Variants in LRRTM4 observed in about 807,000 individuals in gnomAD.
LRRTM4 encodes leucine rich repeat transmembrane neuronal 4.
A neutral mutation model predicts 47.6 loss-of-function variants in LRRTM4; 25 were observed. The observed-to-expected ratio is 0.53, with a 90% confidence interval of 0.38 to 0.73. LRRTM4 has a LOEUF of 0.73. Ranked by LOEUF, LRRTM4 falls within the 30% of genes least tolerant of loss-of-function variation. The probability of loss-of-function intolerance (pLI) is 0.00; values close to 1 mark genes in which losing one functional copy is unlikely to be tolerated. For synonymous variants in LRRTM4, 311 were observed against 269.5 expected (o/e 1.15, Z -1.51); for missense variants, 638 against 713.4 (o/e 0.89, Z 1.20).
chr2:77,078,270 A>C (rs1680411084), intron 3 of LRRTM4, among the ~76,000 whole-genome samples: 1 of 152,174 alleles, frequency 6.6e-6, no homozygotes, highest in South Asian at 2.1e-4. Flanking sequence ...TCTAAGTGTT[A>C]GTTTCTCTCG....
chr2:76,797,753 A>T (rs1446593132), intron 3 of LRRTM4, among the ~76,000 whole-genome samples: 151 of 151,192 alleles, frequency 1.0e-3, no homozygotes, highest in African/African-American at 3.0e-3. Context: ...TAGGCTCAAA[A>T]TAAAAGGATG....
chr2:77,273,431 G>T (rs981302466), intron 3 of LRRTM4, among the ~76,000 whole-genome samples: 1 of 151,966 alleles, frequency 6.6e-6, no homozygotes, highest in East Asian at 1.9e-4. Flanking sequence ...ATGTAATTCT[G>T]TTTTTATTTT....
chr2:77,191,790 GTACATGT>G, intron 3 of LRRTM4, among the ~76,000 whole-genome samples: 1 of 152,110 alleles, frequency 6.6e-6, no homozygotes, highest in Admixed American at 6.5e-5. Flanking sequence ...TAGTACTGGA[GTACATGT>G]TCAAGGTGTG....
At chr2:77,096,276 AT>A (rs1670810328) in intron 3 of LRRTM4, among the ~76,000 whole-genome samples, 1 of 151,862 alleles carries the variant, frequency 6.6e-6, no homozygotes, top group Non-Finnish European at 1.5e-5. Flanking sequence ...TGCCTTCAAA[AT>A]TTTGGAAAAA....
intron 3 of LRRTM4, among the ~76,000 whole-genome samples, chr2:77,267,638 A>G (rs190455979): frequency 5.1e-4 from 77 of 152,264 alleles, no homozygotes; most frequent in African/African-American, 1.6e-3. Context: ...CTCACTTCAT[A>G]ACACCATTAG....
chr2:77,135,579 A>G (rs2103985790), intron 3 of LRRTM4, among the ~76,000 whole-genome samples: 1 of 152,346 alleles, frequency 6.6e-6, no homozygotes, highest in South Asian at 2.1e-4. Flanking sequence ...TTTACTTATT[A>G]CAATGACTCA....
At chr2:77,436,328 G>A (rs1240100540) in intron 3 of LRRTM4, among the ~76,000 whole-genome samples, 1 of 152,024 alleles carries the variant, frequency 6.6e-6, no homozygotes, top group Non-Finnish European at 1.5e-5. Context: ...GCTAATGATG[G>A]CTAGAATCCT....
chr2:77,171,080 C>T (rs1673036542), intron 3 of LRRTM4, among the ~76,000 whole-genome samples: 1 of 151,410 alleles, frequency 6.6e-6, no homozygotes, highest in Non-Finnish European at 1.5e-5. Context: ...TATATGTAAA[C>T]CTTACTTACT....
chr2:77,515,119 C>A (rs1239664009), intron 3 of LRRTM4, among the ~76,000 whole-genome samples: 1 of 151,792 alleles, frequency 6.6e-6, no homozygotes, highest in Non-Finnish European at 1.5e-5. Context: ...CTGATCCACT[C>A]AAAGTATGAT....
intron 3 of LRRTM4, among the ~76,000 whole-genome samples, chr2:76,862,933 C>T (rs1265589977): frequency 6.6e-6 from 1 of 152,142 alleles, no homozygotes; most frequent in Non-Finnish European, 1.5e-5. Context: ...TGTCTTGTAA[C>T]CCAAAGCAGA....
intron 3 of LRRTM4, among the ~76,000 whole-genome samples, chr2:76,888,353 C>T (rs994416995): frequency 6.6e-6 from 1 of 151,074 alleles, no homozygotes; most frequent in Non-Finnish European, 1.5e-5. Context: ...AACAATTGTA[C>T]GTATATATTT....
intron 3 of LRRTM4, among the ~76,000 whole-genome samples, chr2:76,896,102 A>T (rs1673409185): frequency 6.6e-6 from 1 of 152,126 alleles, no homozygotes; most frequent in African/African-American, 2.4e-5. Context: ...TTTATTACAT[A>T]GATGAACCCT....
intron 3 of LRRTM4, among the ~76,000 whole-genome samples, chr2:77,165,062 C>T (rs189148577): frequency 5.3e-5 from 8 of 152,002 alleles, no homozygotes; most frequent in African/African-American, 1.7e-4. Flanking sequence ...TGGTAGACTG[C>T]TAGCAAGACT....
At chr2:76,895,823 G>C (rs1401452209) in intron 3 of LRRTM4, among the ~76,000 whole-genome samples, 1 of 152,016 alleles carries the variant, frequency 6.6e-6, no homozygotes, top group African/African-American at 2.4e-5. Context: ...GTGGAGGGTG[G>C]TAACACAACC....
At chr2:76,994,064 C>T (rs747713769) in intron 3 of LRRTM4, among the ~76,000 whole-genome samples, 13 of 151,902 alleles carry the variant, frequency 8.6e-5, no homozygotes, top group Admixed American at 2.6e-4. Context: ...ATTGGGTACT[C>T]GTGGACATAC....
At chr2:77,370,886 G>A (rs995181992) in intron 3 of LRRTM4, among the ~76,000 whole-genome samples, 3 of 151,742 alleles carry the variant, frequency 2.0e-5, no homozygotes, top group East Asian at 2.0e-4. Flanking sequence ...AATGATAAAA[G>A]GAACTGAGGC....
chr2:77,347,909 C>G (rs898564319), intron 3 of LRRTM4, among the ~76,000 whole-genome samples: 2 of 151,720 alleles, frequency 1.3e-5, no homozygotes, highest in African/African-American at 4.8e-5. Context: ...TAAGCATGTA[C>G]ATAATTAATG....
chr2:77,458,055 G>C (rs1271172385), intron 3 of LRRTM4, among the ~76,000 whole-genome samples: 1 of 152,090 alleles, frequency 6.6e-6, no homozygotes, highest in East Asian at 1.9e-4. Context: ...AAGGAGCATT[G>C]GTTTGAATCC....
intron 3 of LRRTM4, among the ~76,000 whole-genome samples, chr2:76,908,667 A>G (rs537251656): frequency 6.6e-6 from 1 of 152,150 alleles, no homozygotes; most frequent in African/African-American, 2.4e-5. Context: ...AAATCTCTGT[A>G]CAAAAATCAC....
Sources: allele counts gnomAD v4.1 joint callset (sites outside exome capture counted in the v4.1 genomes callset), GRCh38; gene constraint gnomAD v4.1.1; transcripts MANE v1.5; gene names NCBI Gene and HGNC (gene_info 2026-07-23, HGNC 2026-07-21).